The following ZAN variants were observed in gnomAD, a reference collection of about 807,000 sequenced individuals.
ZAN encodes the protein zonadhesin (gene/pseudogene).
ZAN carries 260 observed loss-of-function variants against 286.2 expected under a neutral mutation model. The observed-to-expected ratio is 0.91, with a 90% CI of 0.82 to 1.01. The LOEUF is 1.01. ZAN is among the 50% of genes least tolerant of loss of function. The pLI is 0.00. For synonymous variants in ZAN, 1,368 were observed against 1,417.5 expected, an observed-to-expected ratio of 0.97 and a Z score of 0.79; for missense variants, 3,410 against 3,639.2, an observed-to-expected ratio of 0.94 and a Z score of 1.62.
chr7:100,745,662 G>T (rs1297978164), intron 7 of ZAN, among the ~76,000 whole-genome samples: 2 of 151,972 alleles, frequency 1.3e-5, no homozygotes, highest in African/African-American at 4.8e-5. Flanking sequence ...AAGGCGGGAG[G>T]ATTGCTTGAG....
At chr7:100,758,085 CAAAT>C (rs71517126) in intron 15 of ZAN, 113 bp from the exon 16 acceptor site, 17,748 of 793,892 alleles carry the variant, frequency 0.022, 249 homozygotes, top group African/African-American at 0.031. Context: ...GACTCCATCA[CAAAT>C]AAATAAATAA....
intron 11 of ZAN, 64 bp downstream of exon 11, chr7:100,748,534 G>A: frequency 7.1e-6 from 11 of 1,544,906 alleles, no homozygotes; most frequent in Non-Finnish European, 9.6e-6. Context: ...TAGCAGGCTG[G>A]CTGCTGTGAC....
In ZAN at chr7:100,766,072, C is replaced by T. The variant is rs574726105; in HGVS notation, c.4471-453C>T. Among the ~76,000 whole-genome samples, 27 of 152,020 alleles carry T rather than the reference C, an allele frequency of 1.8e-4. No individual in the cohort carries two copies. In the East Asian group the frequency reaches 4.3e-3, roughly 24 times the overall value. On this transcript the variant is annotated intron_variant, in intron 23 of 47. Coordinates refer to ENST00000613979, the MANE Select transcript of ZAN (RefSeq NM_003386.3). ...CACGGTCTCAGCTCACTGCAACCTC[C>T]GCCTCCCAGGTTCAAGCGATTCTCC...
intron 12 of ZAN, 78 bp from the exon 13 acceptor site, chr7:100,751,104 C>T: frequency 7.2e-7 from 1 of 1,380,194 alleles, no homozygotes; most frequent in Non-Finnish European, 9.8e-7. Context: ...AGAACAGATT[C>T]TATGCCCAGT....
intron 44 of ZAN, among the ~76,000 whole-genome samples, 196 bp downstream of exon 44, chr7:100,794,454 C>T (rs1464300923): frequency 6.6e-6 from 1 of 152,192 alleles, no homozygotes; most frequent in Non-Finnish European, 1.5e-5. Context: ...CCTTCCCTAG[C>T]GTTCCTTCCC....
In ZAN at chr7:100,736,980, G is replaced by T; in HGVS notation, c.425G>T (p.Gly142Val). 1.3e-6 allele frequency: 2 copies of T among 1,503,456 alleles called. 1 individual carries two copies. The highest frequency in any genetic ancestry group is 1.8e-6 in the Non-Finnish European group (2 of 1,098,190). The allele number at this position is 1,503,456 out of a possible 1,614,324, so 93.1% of individuals were successfully genotyped here. A position where few individuals can be genotyped will look rare whatever the true frequency, so the allele number is the denominator to read the frequency against. Reference sequence around the variant, plus strand: ...CTGCTGCTGCTCTCGGGTGAAGAGGGCCGCCGCCCCGATGTGCTCTGGAAA... The same window carrying T: ...CTGCTGCTGCTCTCGGGTGAAGAGGTCCGCCGCCCCGATGTGCTCTGGAAA... ...LRLLLLSGEE[G>V]RRPDVLWKHW... The change falls in exon 5 of 48, where the codon GGC becomes GTC. Residue 142 changes from glycine to valine, a missense_variant. By Grantham distance (109) the Gly-to-Val change is moderately radical (BLOSUM62 -3). Coordinates refer to ENST00000613979, the MANE Select transcript of ZAN (RefSeq NM_003386.3).
chr7:100,792,295 G>A, intron 41 of ZAN, 110 bp from the exon 42 acceptor site: 2 of 1,515,384 alleles, frequency 1.3e-6, no homozygotes, highest in Non-Finnish European at 1.8e-6. Flanking sequence ...GACCCTCACT[G>A]GACACCGACT....
chr7:100,792,010 T>C lies in ZAN; in HGVS notation c.7574T>C (p.Leu2525Pro). 1 of 1,613,296 alleles carries C rather than the reference T, an allele frequency of 6.2e-7. No individual in the cohort carries two copies. Among genetic ancestry groups the C allele is most frequent in the Non-Finnish European group, 8.5e-7 (1 of 1,179,794 alleles). The part of the protein sequence containing the change: ...EEEGQGAELG[L>P]RTGLQVSECS... ...GAGGGACAAGGGGCGGAGCTGGGCCTCCGCACGGGCCTCCAAGTGTCCGAA... is the reference window on the plus strand; with the variant it reads ...GAGGGACAAGGGGCGGAGCTGGGCCCCCGCACGGGCCTCCAAGTGTCCGAA... Residue 2525 changes from leucine to proline, a missense_variant, in exon 41 of 48, where the codon CTC (leucine) becomes CCC (proline). Physicochemically the swap from Leu to Pro is moderately conservative, Grantham distance 98. Transcript: ENST00000613979.
rs748286864 is a variant in ZAN at position 100,792,103 on chromosome 7, C to T, written c.7667C>T (p.Pro2556Leu). 6.2e-7 allele frequency: 1 copy of T among 1,612,620 alleles called. No individual in the cohort carries two copies. The highest frequency in any genetic ancestry group is 8.5e-7 in the Non-Finnish European group (1 of 1,179,648). Residue 2556 changes from proline to leucine, a missense_variant, in exon 41 of 48, where the codon CCC (proline) becomes CTC (leucine). Physicochemically the swap from Pro to Leu is moderately conservative, Grantham distance 98 (BLOSUM62 -3). Coordinates refer to ENST00000613979, the MANE Select transcript of ZAN (RefSeq NM_003386.3). ...ACRVLADPQG[P>L]FAACHQTVAP... ...AGGGTGCTGGCAGACCCCCAGGGCCCCTTTGCTGCCTGTCACCAGACGGTG... is the reference window on the plus strand; with the variant it reads ...AGGGTGCTGGCAGACCCCCAGGGCCTCTTTGCTGCCTGTCACCAGACGGTG...
At position 100,736,513 on chromosome 7, in the gene ZAN, A is replaced by T; in HGVS notation, c.137A>T (p.Asp46Val). The part of the protein sequence containing the change: ...YVLTQCDFED[D>V]AKPLCDWSQV... ...CTCACCCAGTGTGATTTTGAGGATG[A>T]CGCCAAACCCCTCTGTGACTGGTCC... The change falls in exon 4 of 48, where the codon GAC becomes GTC. Residue 46 changes from aspartate (D) to valine (V), a missense_variant. Asp to Val is a radical substitution (Grantham distance 152). This residue lies in a region of ZAN where 872 missense variants were observed against 938.9 expected (regional missense o/e 0.93). Coordinates refer to ENST00000613979, the MANE Select transcript of ZAN (RefSeq NM_003386.3). The T allele has an allele frequency of 6.6e-7, 1 of 1,524,010 alleles. No homozygotes were observed. The highest frequency in any genetic ancestry group is 1.7e-4 in the Middle Eastern group (1 of 5,950). 94.4% of individuals were successfully genotyped at this position (1,524,010 alleles called of 1,614,324 possible).
intron 35 of ZAN, among the ~76,000 whole-genome samples, chr7:100,781,348 G>C (rs1235491325): frequency 6.6e-6 from 1 of 152,150 alleles, no homozygotes; most frequent in East Asian, 1.9e-4. Flanking sequence ...TTACAGACGT[G>C]AGACATCTCA....
intron 35 of ZAN, among the ~76,000 whole-genome samples, chr7:100,783,980 A>G (rs1811392251): frequency 6.7e-6 from 1 of 150,358 alleles, no homozygotes; most frequent in Admixed American, 6.7e-5. Flanking sequence ...AACTCCCCCA[A>G]CAGAATTAAT....
intron 6 of ZAN, 43 bp downstream of exon 6, chr7:100,737,392 C>A: frequency 7.9e-7 from 1 of 1,271,654 alleles, no homozygotes; most frequent in Non-Finnish European, 1.1e-6. Flanking sequence ...GGACCCTTTT[C>A]TCTCCGTCCT....
chr7:100,795,457 GATATTAT>G, intron 45 of ZAN, 121 bp downstream of exon 45: 1 of 981,158 alleles, frequency 1.0e-6, no homozygotes, highest in Non-Finnish European at 1.3e-6. Flanking sequence ...TTATGTTACA[GATATTAT>G]ATATTATAAA....
chr7:100,774,157 G>A (rs868469322), intron 31 of ZAN, among the ~76,000 whole-genome samples: 1 of 152,212 alleles, frequency 6.6e-6, no homozygotes, highest in Non-Finnish European at 1.5e-5. Context: ...GGAAGGCCAA[G>A]GCGGGTGGAT....
At chr7:100,746,994 G>A (rs2115746652) in intron 8 of ZAN, among the ~76,000 whole-genome samples, 2 of 152,282 alleles carry the variant, frequency 1.3e-5, no homozygotes, top group East Asian at 3.9e-4. Context: ...TGAGGCAGGA[G>A]AATCGCTTGA....
intron 17 of ZAN, 69 bp from the exon 18 acceptor site, chr7:100,759,652 C>T: frequency 6.7e-7 from 1 of 1,501,980 alleles, no homozygotes; most frequent in South Asian, 1.3e-5. Context: ...GCGCCAGGCT[C>T]AGGGCACTGC....
Position 100,737,264 on chromosome 7 carries a change from G to C in ZAN, c.528G>C (p.Leu176=). 1 of 1,483,100 alleles carries C rather than the reference G, an allele frequency of 6.7e-7. No homozygotes were observed. Among genetic ancestry groups the C allele is most frequent in the African/African-American group, 1.4e-5 (1 of 70,208 alleles). The allele number at this position is 1,483,100 out of a possible 1,614,324, so 91.9% of individuals were successfully genotyped here. Residue 176 remains leucine, a splice_region_variant and synonymous_variant, in exon 6 of 48, where the codon CTG becomes CTC. Transcript: ENST00000613979. The part of the protein sequence containing the change: ...VPAGFTLPTR[L]MFEGTRGSTA... ...GGGGTCCCCTTATCCTCTTGCAGCT[G>C]ATGTTTGAGGGAACACGGGGTAGCA...
intron 15 of ZAN, among the ~76,000 whole-genome samples, chr7:100,757,898 G>A (rs1371457856): frequency 2.1e-5 from 3 of 142,370 alleles, no homozygotes; most frequent in African/African-American, 5.2e-5. Context: ...AACACAGCAA[G>A]ACTCCATCTC....
Sources: gnomAD v4.1 joint callset for allele counts (sites outside exome capture counted in the v4.1 genomes callset) on GRCh38, gnomAD v4.1.1 for gene constraint, gnomAD v4.1.1 regional missense constraint, MANE v1.5 for transcripts, NCBI Gene and HGNC (gene_info 2026-07-23, HGNC 2026-07-21) for gene names.